The following NPFFR2 variants were observed in gnomAD, a reference collection of about 807,000 sequenced individuals.
The protein encoded by NPFFR2 is G-protein coupled receptor 74.
A neutral mutation model predicts 13.1 loss-of-function variants in NPFFR2; 15 were observed. That is an observed-to-expected ratio of 1.15 (90% CI 0.77 to 1.76). NPFFR2 has a LOEUF of 1.76. Among genes scored for constraint, NPFFR2 ranks in the 40% most tolerant of loss-of-function variants. The pLI is 0.00. For missense variants in NPFFR2, 572 were observed against 503.5 expected (o/e 1.14, Z -1.30); for synonymous variants, 190 against 175.7 (o/e 1.08, Z -0.65).
intron 1 of NPFFR2, among the ~76,000 whole-genome samples, chr4:72,084,250 T>C (rs377395357): frequency 2.6e-4 from 40 of 152,194 alleles, no homozygotes; most frequent in African/African-American, 9.1e-4. Context: ...CTTGTAAAAA[T>C]TTACTTAAAA....
rs533350470 is a variant in NPFFR2, at chr4:72,127,040, C to T, written c.-7-1545C>T. ...CATATAGGCCGGGTGCGGTGGCTCA[C>T]GCCTGTAATCCCAGCACTTTGGGAG... On this transcript the variant is annotated intron_variant, in intron 1 of 3. Transcript: ENST00000308744. Among the ~76,000 whole-genome samples, 11 of 152,036 alleles carry T rather than the reference C, an allele frequency of 7.2e-5. No individual in the cohort carries two copies. The South Asian group carries it at 2.1e-3, about 29-fold the overall frequency.
At chr4:72,070,583 G>A (rs1484943481) in intron 1 of NPFFR2, among the ~76,000 whole-genome samples, 1 of 114,302 alleles carries the variant, frequency 8.7e-6, no homozygotes, top group Non-Finnish European at 2.0e-5. Context: ...TGGGGCTCTG[G>A]TGGCCTTTGT....
chr4:72,148,210 A>C lies in NPFFR2; in HGVS notation c.*398A>C, dbSNP rs894436495. On this transcript the variant is annotated 3_prime_UTR_variant, in exon 4 of 4. Coordinates refer to ENST00000308744, the MANE Select transcript of NPFFR2 (RefSeq NM_004885.3). ...CTAGATTTTATCAATTTCTCCTTTGATTTTGGATTTAAAATTTTAGATTAC... is the reference window on the plus strand; with the variant it reads ...CTAGATTTTATCAATTTCTCCTTTGCTTTTGGATTTAAAATTTTAGATTAC... 7 of 159,248 alleles carry C rather than the reference A, an allele frequency of 4.4e-5. No individual in the cohort carries two copies. Among genetic ancestry groups the C allele is most frequent in the Admixed American group, 3.8e-4 (6 of 15,590 alleles). The allele number at this position is 159,248 out of a possible 1,614,324, so 9.9% of individuals were successfully genotyped here.
chr4:72,130,966 G>C (rs888805493), intron 2 of NPFFR2, among the ~76,000 whole-genome samples: 1 of 152,122 alleles, frequency 6.6e-6, no homozygotes, highest in Admixed American at 6.5e-5. Context: ...GCAGGATAGA[G>C]AGCTGGAACG....
chr4:72,041,254 T>G (rs1719210570), intron 1 of NPFFR2, among the ~76,000 whole-genome samples: 1 of 152,194 alleles, frequency 6.6e-6, no homozygotes, highest in Non-Finnish European at 1.5e-5. Flanking sequence ...TGGTATTTAG[T>G]TTTCTGTTTC....
intron 1 of NPFFR2, among the ~76,000 whole-genome samples, chr4:72,103,912 C>T (rs1345898285): frequency 6.6e-6 from 1 of 150,904 alleles, no homozygotes; most frequent in Non-Finnish European, 1.5e-5. Flanking sequence ...CTCCTCAGTC[C>T]TCCAAGAAAC....
At chr4:72,087,301 T>A (rs1439379627) in intron 1 of NPFFR2, among the ~76,000 whole-genome samples, 5 of 152,114 alleles carry the variant, frequency 3.3e-5, no homozygotes, top group Admixed American at 1.3e-4. Flanking sequence ...AAAAGCCTGG[T>A]TGTTTAACAT....
chr4:72,122,905 A>T (rs1721930073), intron 1 of NPFFR2, among the ~76,000 whole-genome samples: 1 of 152,234 alleles, frequency 6.6e-6, no homozygotes, highest in African/African-American at 2.4e-5. Flanking sequence ...CTAAGATCAG[A>T]GCAGAGCTGA....
chr4:72,058,137 T>C (rs1719811457), intron 1 of NPFFR2, among the ~76,000 whole-genome samples: 1 of 151,994 alleles, frequency 6.6e-6, no homozygotes, highest in South Asian at 2.1e-4. Context: ...TCAGTGATAA[T>C]TTCCTGATTT....
chr4:72,056,306 A>G (rs773019054), intron 1 of NPFFR2, among the ~76,000 whole-genome samples: 5 of 151,984 alleles, frequency 3.3e-5, no homozygotes, highest in Admixed American at 6.6e-5. Context: ...TCCATGCTCT[A>G]TAAATGAAAC....
intron 1 of NPFFR2, among the ~76,000 whole-genome samples, chr4:72,069,577 A>G (rs1220882654): frequency 6.6e-6 from 1 of 152,138 alleles, no homozygotes; most frequent in Non-Finnish European, 1.5e-5. Flanking sequence ...CTATTAGTCA[A>G]CATGAAAGTT....
In NPFFR2 at chr4:72,147,482, C is replaced by T; in HGVS notation, c.933C>T (p.Asn311=). Residue 311 remains asparagine, a synonymous_variant, in exon 4 of 4, where the codon AAC becomes AAT. Coordinates refer to ENST00000308744, the MANE Select transcript of NPFFR2 (RefSeq NM_004885.3). ...DLSPNELQII[N]IYIYPFAHWL... is the part of the protein sequence containing the mutation. ...CTCCAAATGAACTGCAGATCATCAA[C>T]ATCTACATCTACCCTTTTGCACACT... The T allele has an allele frequency of 1.9e-6, 3 of 1,614,202 alleles. No homozygotes were observed. The highest frequency in any genetic ancestry group is 2.5e-6 in the Non-Finnish European group (3 of 1,180,016).
At chr4:72,119,121 C>A (rs1402233269) in intron 1 of NPFFR2, among the ~76,000 whole-genome samples, 1 of 152,062 alleles carries the variant, frequency 6.6e-6, no homozygotes, top group African/African-American at 2.4e-5. Flanking sequence ...AAAATCTCTT[C>A]TATACAATAT....
At chr4:72,045,184 A>AGT (rs1719340088) in intron 1 of NPFFR2, among the ~76,000 whole-genome samples, 1 of 152,140 alleles carries the variant, frequency 6.6e-6, no homozygotes, top group African/African-American at 2.4e-5. Context: ...TTTGTCAAAA[A>AGT]TCAGTTCACT....
At chr4:72,138,490 C>T (rs1228491484) in intron 3 of NPFFR2, among the ~76,000 whole-genome samples, 1 of 151,652 alleles carries the variant, frequency 6.6e-6, no homozygotes, top group South Asian at 2.1e-4. Context: ...CTATTCCCAC[C>T]TATGAGTGAG....
intron 1 of NPFFR2, among the ~76,000 whole-genome samples, chr4:72,062,134 T>C (rs1181518867): frequency 6.6e-6 from 1 of 152,118 alleles, no homozygotes; most frequent in Non-Finnish European, 1.5e-5. Flanking sequence ...ATTTAACTAT[T>C]TTAGGTTTAC....
chr4:72,082,132 T>C (rs1178784647), intron 1 of NPFFR2, among the ~76,000 whole-genome samples: 4 of 152,196 alleles, frequency 2.6e-5, no homozygotes, highest in African/African-American at 2.4e-5. Context: ...AAGTACATAA[T>C]TGTGTTTGGA....
chr4:72,135,461 C>G (rs1722380410), intron 2 of NPFFR2, among the ~76,000 whole-genome samples: 1 of 151,754 alleles, frequency 6.6e-6, no homozygotes, highest in Non-Finnish European at 1.5e-5. Flanking sequence ...CTTCTATTTT[C>G]AAGGATTGTC....
At chr4:72,046,362 GTGGGCTAGTTATTACAGGAGTGGGCT>G (rs1478114365) in intron 1 of NPFFR2, among the ~76,000 whole-genome samples, 1 of 152,162 alleles carries the variant, frequency 6.6e-6, no homozygotes, top group Admixed American at 6.5e-5. Context: ...CATTGCAGAA[GTGGGCTAGTTATTACAGGAGTGGGCT>G]CCTGATAAAA....
Sources: allele counts gnomAD v4.1 joint callset (sites outside exome capture counted in the v4.1 genomes callset), GRCh38; gene constraint gnomAD v4.1.1; transcripts MANE v1.5; gene names NCBI Gene and HGNC (gene_info 2026-07-23, HGNC 2026-07-21).